The following MACF1 variants were observed in gnomAD, a reference collection of about 807,000 sequenced individuals.
MACF1 encodes microtubule actin crosslinking factor 1.
In MACF1, 193 loss-of-function variants were observed where a neutral mutation model predicts 854.8. That is an observed-to-expected ratio of 0.23 (90% confidence interval 0.20 to 0.25). MACF1 has a LOEUF of 0.25. Ranked by LOEUF, MACF1 falls within the 10% of genes least tolerant of loss-of-function variation. The pLI is 1.00. For missense variants in MACF1, 7,722 were observed against 8,929.1 expected (o/e 0.86, Z 5.45); for synonymous variants, 3,185 against 3,226.7 (o/e 0.99, Z 0.44).
chr1:39,209,431 T>C (rs1010390446), intron 1 of MACF1, among the ~76,000 whole-genome samples: 9 of 152,146 alleles, frequency 5.9e-5, no homozygotes, highest in Admixed American at 6.5e-5. Context: ...CACATTGTGA[T>C]AGTGTAAACA....
chr1:39,161,727 CGTG>C (rs1553152074), intron 2 of MACF1, among the ~76,000 whole-genome samples: 3 of 151,560 alleles, frequency 2.0e-5, no homozygotes, highest in Non-Finnish European at 4.4e-5. Flanking sequence ...ATTAGCCAGG[CGTG>C]GTGGCGGGCG....
At chr1:39,424,935 T>C (rs1260524375) in intron 61 of MACF1, among the ~76,000 whole-genome samples, 2 of 152,242 alleles carry the variant, frequency 1.3e-5, no homozygotes, top group Non-Finnish European at 2.9e-5. Flanking sequence ...CCCTCTTCAG[T>C]CTTTTTATGT....
rs931238511 is a variant in MACF1 at position 39,105,349 on chromosome 1, C to T, written c.220+20911C>T. On this transcript the variant is annotated intron_variant, in intron 2 of 93. Transcript: ENST00000361689. This position sits in a 1 kb window ranked among gnomAD's most constrained non-coding sequence, Gnocchi z 5.9. Reference sequence around the variant, plus strand: ...CGCCGCCGCCGCCCGCCGCTGCAGCCGCGCCGGGGCGGGCTGAGGGAGGAG... The same window carrying T: ...CGCCGCCGCCGCCCGCCGCTGCAGCTGCGCCGGGGCGGGCTGAGGGAGGAG... 3.1e-6 allele frequency: 3 copies of T among 955,776 alleles called. No homozygotes were observed. The highest frequency in any genetic ancestry group is 2.5e-6 in the Non-Finnish European group (2 of 803,632). 59.2% of individuals were successfully genotyped at this position (955,776 alleles called of 1,614,324 possible). A position where few individuals can be genotyped will look rare whatever the true frequency, so the allele number is the denominator to read the frequency against.
At chr1:39,169,421 C>T (rs1263673770) in intron 2 of MACF1, among the ~76,000 whole-genome samples, 1 of 152,108 alleles carries the variant, frequency 6.6e-6, no homozygotes, top group Non-Finnish European at 1.5e-5. Flanking sequence ...CATAGGGAAA[C>T]TGTGTCTCTA....
chr1:39,222,074 C>T (rs373575411), intron 1 of MACF1, among the ~76,000 whole-genome samples: 1 of 152,128 alleles, frequency 6.6e-6, no homozygotes, highest in Non-Finnish European at 1.5e-5. Context: ...CCCTAAAACA[C>T]ATCCTGTATA....
intron 2 of MACF1, among the ~76,000 whole-genome samples, chr1:39,115,586 T>C (rs928838217): frequency 6.6e-6 from 1 of 151,982 alleles, no homozygotes; most frequent in African/African-American, 2.4e-5. Flanking sequence ...GGATGCTAGG[T>C]AGAGATGTCC....
chr1:39,335,019 A>C lies in MACF1; in HGVS notation c.8431A>C (p.Ser2811Arg). The C allele has an allele frequency of 6.2e-7, 1 of 1,614,064 alleles. No individual in the cohort carries two copies. The change falls in exon 37 of 101, where the codon AGT becomes CGT. Residue 2811 changes from serine to arginine, a missense_variant. Around this residue, in one of 15 missense-constraint regions of MACF1, gnomAD observed 1,531 missense variants for 1,601.6 expected, o/e 0.96. Coordinates refer to ENST00000564288, the MANE Select transcript of MACF1 (RefSeq NM_001394062.1). The stretch of plus-strand genomic sequence containing the variant: ...AATGAGTTGTAATAAAGTAGAAGAG[A>C]GTGAGAGATTATTTCAAGTTGAAAA... ...AEMSCNKVEE[S>R]ERLFQVENQS...
At chr1:39,446,603 G>A (rs1432715567) in intron 80 of MACF1, among the ~76,000 whole-genome samples, 2 of 151,870 alleles carry the variant, frequency 1.3e-5, no homozygotes, top group African/African-American at 4.8e-5. Context: ...CGTTTTTGGT[G>A]TACATCTTGG....
rs1209130286 is a variant in MACF1 at position 39,442,917 on chromosome 1, T to G, written c.19302+6T>G. 6.2e-7 allele frequency: 1 copy of G among 1,612,392 alleles called. No homozygotes were observed. The highest frequency in any genetic ancestry group is 2.2e-5 in the East Asian group (1 of 44,852). On this transcript the variant is annotated splice_donor_region_variant and intron_variant, in intron 78 of 100. Transcript: ENST00000564288. ...TTCAGTCAACTCTGCAGCAGGTACA[T>G]GTGACATCCAAGTAAGGTAGGAAGA...
chr1:39,243,109 T>C (rs371332322), intron 2 of MACF1, among the ~76,000 whole-genome samples: 2 of 152,366 alleles, frequency 1.3e-5, no homozygotes, highest in African/African-American at 4.8e-5. Context: ...CTAACACTTA[T>C]CTGTCTTTTA....
intron 2 of MACF1, among the ~76,000 whole-genome samples, chr1:39,115,500 G>A (rs1016099280): frequency 2.6e-5 from 4 of 152,142 alleles, no homozygotes; most frequent in South Asian, 2.1e-4. Context: ...GTTATTTTCT[G>A]TGAAGTGGTG....
In MACF1 at chr1:39,374,750, T is replaced by TA. The variant is rs201610275; in HGVS notation, c.13213+2163dup. 2.0e-4 allele frequency among the ~76,000 whole-genome samples: 31 copies of TA among 151,612 alleles called. No homozygotes were observed. In the East Asian group the frequency reaches 3.1e-3, roughly 15 times the overall value. On this transcript the variant is annotated intron_variant, in intron 52 of 100. Transcript: ENST00000564288. ...TGACTCCTAGACTAGATCATTTTTT[T>TA]AAAAAAAAACCAGAAATCTCATATA...
Position 39,287,381 on chromosome 1 carries a change from C to A in MACF1, c.1604C>A (p.Pro535His), listed in dbSNP as rs1000499280. ...TTCACTTCACTTGAATTGGTTCCAC[C>A]CTCTACTTTAACCACCACTCATCTG... ...GHFTSLELVP[P>H]STLTTTHLKA... is the part of the protein sequence containing the mutation. Residue 535 changes from proline (P) to histidine (H), a missense_variant, in exon 15 of 101, where the codon CCC becomes CAC. Pro to His is a moderately conservative substitution (Grantham distance 77). Coordinates refer to ENST00000564288, the MANE Select transcript of MACF1 (RefSeq NM_001394062.1). 3.4e-5 allele frequency: 55 copies of A among 1,614,086 alleles called. No individual in the cohort carries two copies. The highest frequency in any genetic ancestry group is 4.3e-5 in the Non-Finnish European group (51 of 1,180,008).
intron 1 of MACF1, among the ~76,000 whole-genome samples, chr1:39,228,379 G>T (rs1387381872): frequency 6.6e-6 from 1 of 152,140 alleles, no homozygotes; most frequent in African/African-American, 2.4e-5. Context: ...GAGAGATGAA[G>T]AGGAAGAGAA....
intron 2 of MACF1, among the ~76,000 whole-genome samples, chr1:39,168,829 G>A (rs1447820898): frequency 6.6e-6 from 1 of 152,034 alleles, no homozygotes; most frequent in Non-Finnish European, 1.5e-5. Flanking sequence ...GGGTCTCTGT[G>A]TGTTGTACAG....
Position 39,434,478 on chromosome 1 carries a change from C to G in MACF1, c.17630C>G (p.Ala5877Gly). 6.2e-7 allele frequency: 1 copy of G among 1,612,870 alleles called. No individual in the cohort carries two copies. The highest frequency in any genetic ancestry group is 1.1e-5 in the South Asian group (1 of 91,046). Residue 5877 changes from alanine (A) to glycine (G), a missense_variant, in exon 69 of 101, where the codon GCC becomes GGC. This residue lies in a region of MACF1 where 2,807 missense variants were observed against 3,235.8 expected (regional missense o/e 0.87). Coordinates refer to ENST00000564288, the MANE Select transcript of MACF1 (RefSeq NM_001394062.1). Reference sequence around the variant, plus strand: ...AGCCTACTCAATTCAGAGCGTTATGCCCGCCTAGAGCGGGCCCAGGTCTTA... The same window carrying G: ...AGCCTACTCAATTCAGAGCGTTATGGCCGCCTAGAGCGGGCCCAGGTCTTA... The part of the protein sequence containing the change: ...AISLLNSERY[A>G]RLERAQVLVN...
intron 2 of MACF1, among the ~76,000 whole-genome samples, chr1:39,193,835 G>GTTTACTT (rs1644285142): frequency 1.3e-5 from 2 of 151,748 alleles, no homozygotes; most frequent in African/African-American, 4.8e-5. Flanking sequence ...TTAAGAGTGA[G>GTTTACTT]TTTTCTTTTT....
At chr1:39,469,208 T>G (rs1409395553) in intron 96 of MACF1, among the ~76,000 whole-genome samples, 1 of 152,166 alleles carries the variant, frequency 6.6e-6, no homozygotes. Flanking sequence ...CATTCACTTC[T>G]AAGACAGGTG....
intron 49 of MACF1, among the ~76,000 whole-genome samples, chr1:39,364,554 G>A (rs1025938052): frequency 6.0e-5 from 9 of 150,876 alleles, no homozygotes; most frequent in Non-Finnish European, 1.2e-4. Flanking sequence ...GTGCAGTGGC[G>A]CGATCTCGGC....
Sources: gnomAD v4.1 joint callset for allele counts (sites outside exome capture counted in the v4.1 genomes callset) on GRCh38, gnomAD v4.1.1 for gene constraint, gnomAD v4.1.1 regional missense constraint, Gnocchi (gnomAD v3.1) non-coding constraint, MANE v1.5 for transcripts, NCBI Gene and HGNC (gene_info 2026-07-23, HGNC 2026-07-21) for gene names.